Variants in KIAA1549L observed in about 807,000 individuals in gnomAD.
The protein encoded by KIAA1549L is UPF0606 protein KIAA1549L.
KIAA1549L carries 88 observed loss-of-function variants against 160.7 expected under a neutral mutation model. The observed-to-expected ratio is 0.55, with a 90% CI of 0.46 to 0.65. The LOEUF (loss-of-function observed/expected upper bound fraction) is 0.65, where lower values mean the gene tolerates loss of function less well. Among genes scored for constraint, KIAA1549L ranks in the 30% least tolerant of loss-of-function variants. The pLI is 0.00. For missense variants in KIAA1549L, 2,258 were observed against 2,437.5 expected (o/e 0.93, Z 1.55); for synonymous variants, 950 against 976.7 (o/e 0.97, Z 0.51).
chr11:33,482,816 C>G (rs780372737), intron 1 of KIAA1549L, among the ~76,000 whole-genome samples: 6 of 151,990 alleles, frequency 3.9e-5, no homozygotes, highest in Non-Finnish European at 5.9e-5. Flanking sequence ...GTTATCCACC[C>G]GCCTCACCTC....
Position 33,673,914 on chromosome 11 carries a change from C to G in KIAA1549L, c.*5760C>G, listed in dbSNP as rs931762477. 5 of 152,214 alleles carry G rather than the reference C, an allele frequency of 3.3e-5. No homozygotes were observed. The highest frequency in any genetic ancestry group is 1.2e-4 in the African/African-American group (5 of 41,454). The allele number at this position is 152,214 out of a possible 1,614,324, so 9.4% of individuals were successfully genotyped here. The stretch of plus-strand genomic sequence containing the variant: ...GGGTGAAAAACCCCAACCGGTGAGT[C>G]TTTAAAACCATATTAGACACATTGG... On this transcript the variant is annotated 3_prime_UTR_variant, in exon 21 of 21. Coordinates refer to ENST00000658780, the MANE Select transcript of KIAA1549L (RefSeq NM_012194.3).
At position 33,405,849 on chromosome 11, in the gene KIAA1549L, A is replaced by AAAAAAG. The variant is rs1431987551; in HGVS notation, c.238+28965_238+28966insGAAAAA. 5.3e-4 allele frequency among the ~76,000 whole-genome samples: 80 copies of AAAAAAG among 151,390 alleles called. 1 individual carries two copies. In the East Asian group the frequency reaches 0.011, roughly 21 times the overall value. The stretch of plus-strand genomic sequence containing the variant: ...AGAGCCAGTCTGTCTCAAAAAAAAA[A>AAAAAAG]AAAAAAAAAAAAAAGCAAAAGCTCT... On this transcript the variant is annotated intron_variant, in intron 1 of 20. Transcript: ENST00000658780.
intron 20 of KIAA1549L, among the ~76,000 whole-genome samples, chr11:33,664,570 A>T (rs1379389002): frequency 6.6e-5 from 10 of 152,186 alleles, no homozygotes; most frequent in Admixed American, 6.5e-4. Flanking sequence ...TTGGGAGGTG[A>T]TTAGGTCATG....
intron 1 of KIAA1549L, among the ~76,000 whole-genome samples, chr11:33,410,307 T>C (rs973862752): frequency 2.4e-4 from 37 of 152,218 alleles, no homozygotes; most frequent in African/African-American, 8.7e-4. Flanking sequence ...GCATTGTTAG[T>C]GTAGACCGCA....
chr11:33,620,932 C>G (rs960462335), intron 16 of KIAA1549L, among the ~76,000 whole-genome samples: 3 of 152,168 alleles, frequency 2.0e-5, no homozygotes, highest in African/African-American at 7.2e-5. Context: ...CAGAGCGCTT[C>G]TGGCAAAAGA....
At chr11:33,555,504 C>G (rs1028721217) in intron 6 of KIAA1549L, among the ~76,000 whole-genome samples, 12 of 152,168 alleles carry the variant, frequency 7.9e-5, no homozygotes, top group African/African-American at 2.9e-4. Flanking sequence ...AGAAATAAAC[C>G]CTCTTGTATA....
Position 33,391,502 on chromosome 11 carries a change from G to A in KIAA1549L, c.238+14613G>A, listed in dbSNP as rs144174140. Among the ~76,000 whole-genome samples, 3 of 152,312 alleles carry A rather than the reference G, an allele frequency of 2.0e-5. No individual in the cohort carries two copies. The East Asian group carries it at 5.8e-4, about 29-fold the overall frequency. ...TTCATGTAATTATGCTAAAAGCCAAGACAGTCATGTGACTGCCACTTCCGA... is the reference window on the plus strand; with the variant it reads ...TTCATGTAATTATGCTAAAAGCCAAAACAGTCATGTGACTGCCACTTCCGA... On this transcript the variant is annotated intron_variant, in intron 1 of 20. Coordinates refer to ENST00000658780, the MANE Select transcript of KIAA1549L (RefSeq NM_012194.3).
chr11:33,382,943 TAAG>T (rs757872121), intron 1 of KIAA1549L, among the ~76,000 whole-genome samples: 2 of 149,668 alleles, frequency 1.3e-5, no homozygotes, highest in Admixed American at 6.7e-5. Context: ...GAAAATAAAA[TAAG>T]GAGGTAGGAA....
chr11:33,571,830 G>A (rs1396592988), intron 9 of KIAA1549L, among the ~76,000 whole-genome samples: 1 of 151,976 alleles, frequency 6.6e-6, no homozygotes, highest in African/African-American at 2.4e-5. Context: ...TTTGAAAAGG[G>A]GCTCTCTGGC....
chr11:33,392,292 A>G (rs1203597014), intron 1 of KIAA1549L, among the ~76,000 whole-genome samples: 1 of 152,210 alleles, frequency 6.6e-6, no homozygotes, highest in African/African-American at 2.4e-5. Flanking sequence ...TACCATCTAA[A>G]TGGTGCAATT....
intron 1 of KIAA1549L, among the ~76,000 whole-genome samples, chr11:33,517,899 T>C (rs535607512): frequency 1.3e-5 from 2 of 151,940 alleles, no homozygotes; most frequent in Non-Finnish European, 2.9e-5. Flanking sequence ...CCTAGCACTT[T>C]GGGAGGCTGA....
Position 33,545,396 on chromosome 11 carries a change from T to G in KIAA1549L, c.3385+18T>G. On this transcript the variant is annotated intron_variant, in intron 3 of 20. Transcript: ENST00000658780. ...GAAGACAGGTATGAGACCACTGTTC[T>G]GATCTGAAAGCAGCAAGCCTGGCCT... 6.3e-7 allele frequency: 1 copy of G among 1,588,616 alleles called. No individual in the cohort carries two copies. The highest frequency in any genetic ancestry group is 8.5e-7 in the Non-Finnish European group (1 of 1,170,070).
chr11:33,479,053 A>G (rs1238718499), intron 1 of KIAA1549L, among the ~76,000 whole-genome samples: 4 of 151,862 alleles, frequency 2.6e-5, no homozygotes, highest in African/African-American at 9.7e-5. Flanking sequence ...AGATGAAGAC[A>G]TATATGGGAT....
chr11:33,623,356 C>T (rs985062390), intron 16 of KIAA1549L, among the ~76,000 whole-genome samples: 1 of 152,170 alleles, frequency 6.6e-6, no homozygotes, highest in Non-Finnish European at 1.5e-5. Flanking sequence ...ACCCCACTAC[C>T]ATTACCACCT....
intron 1 of KIAA1549L, among the ~76,000 whole-genome samples, chr11:33,416,108 G>T (rs1031349472): frequency 6.6e-6 from 1 of 152,050 alleles, no homozygotes; most frequent in Non-Finnish European, 1.5e-5. Context: ...GACACCATAG[G>T]GGGAGGACTG....
chr11:33,396,204 A>G (rs1850370033), intron 1 of KIAA1549L, among the ~76,000 whole-genome samples: 1 of 152,176 alleles, frequency 6.6e-6, no homozygotes, highest in African/African-American at 2.4e-5. Context: ...AGTATGTCCT[A>G]TTACAGGACC....
chr11:33,435,820 A>ATATATATATATATATATATGTG (rs1451645887), intron 1 of KIAA1549L, among the ~76,000 whole-genome samples: 1 of 44,766 alleles, frequency 2.2e-5, no homozygotes, highest in African/African-American at 1.5e-4. Flanking sequence ...ATGTGTGTGT[A>ATATATATATATATATATATGTG]TATATATATA....
chr11:33,614,574 ATATATATATATTTT>A (rs1850753031), intron 15 of KIAA1549L, among the ~76,000 whole-genome samples: 2 of 13,782 alleles, frequency 1.5e-4, no homozygotes, highest in Admixed American at 1.2e-3. Flanking sequence ...ATATATATAT[ATATATATATATTTT>A]TTTTTTTTTT....
chr11:33,638,436 ATAAAT>A (rs1251936945), intron 16 of KIAA1549L, among the ~76,000 whole-genome samples: 3 of 28,126 alleles, frequency 1.1e-4, no homozygotes, highest in South Asian at 7.9e-4. Flanking sequence ...AAAAAAAAAA[ATAAAT>A]AAATAAATAA....
Sources: gnomAD v4.1 joint callset for allele counts (sites outside exome capture counted in the v4.1 genomes callset) on GRCh38, gnomAD v4.1.1 for gene constraint, MANE v1.5 for transcripts, NCBI Gene and HGNC (gene_info 2026-07-23, HGNC 2026-07-21) for gene names.